The following KHDRBS1 variants were observed in gnomAD, a reference collection of about 807,000 sequenced individuals.
KHDRBS1 encodes KH domain-containing, RNA-binding, signal transduction-associated protein 1.
A neutral mutation model predicts 48.4 loss-of-function variants in KHDRBS1; 7 were observed. The observed-to-expected ratio is 0.14, with a 90% CI of 0.08 to 0.27. KHDRBS1 has a LOEUF of 0.27. Among genes scored for constraint, KHDRBS1 ranks in the 10% least tolerant of loss-of-function variants. The probability of loss-of-function intolerance (pLI) is 1.00; values close to 1 mark genes in which losing one functional copy is unlikely to be tolerated. For missense variants in KHDRBS1, 458 were observed against 601.2 expected, an observed-to-expected ratio of 0.76 and a Z score of 2.49; for synonymous variants, 241 against 235.8, an observed-to-expected ratio of 1.02 and a Z score of -0.20.
chr1:32,025,927 A>T (rs12087900), intron 1 of KHDRBS1, among the ~76,000 whole-genome samples: 2,385 of 146,522 alleles, frequency 0.016, 52 homozygotes, highest in African/African-American at 0.049. Context: ...ATATATATAT[A>T]TATTTATTTA....
chr1:32,027,884 G>A (rs552149965), intron 1 of KHDRBS1, among the ~76,000 whole-genome samples: 3 of 152,276 alleles, frequency 2.0e-5, no homozygotes, highest in South Asian at 2.1e-4. Context: ...AGGCCGAGGC[G>A]AGTGGATCAT....
chr1:32,034,912 C>T (rs1639147232), intron 4 of KHDRBS1, among the ~76,000 whole-genome samples: 3 of 149,482 alleles, frequency 2.0e-5, no homozygotes, highest in Admixed American at 1.3e-4. Flanking sequence ...ACCCGGGAGG[C>T]GGAGCTTGCA....
At chr1:32,038,344 T>A (rs954144341) in intron 6 of KHDRBS1, among the ~76,000 whole-genome samples, 28 of 152,204 alleles carry the variant, frequency 1.8e-4, no homozygotes, top group African/African-American at 6.5e-4. Context: ...TGCCCACACT[T>A]CTTCTGTGGC....
intron 1 of KHDRBS1, among the ~76,000 whole-genome samples, chr1:32,021,497 G>T (rs902153409): frequency 6.6e-6 from 1 of 152,154 alleles, no homozygotes; most frequent in Non-Finnish European, 1.5e-5. Flanking sequence ...GCAATAGTAA[G>T]CTTATGGGAC....
At chr1:32,020,926 A>G (rs1260922213) in intron 1 of KHDRBS1, among the ~76,000 whole-genome samples, 2 of 152,098 alleles carry the variant, frequency 1.3e-5, no homozygotes, top group South Asian at 2.1e-4. Context: ...AAACAAGTAC[A>G]TGTAAAGGTG....
intron 10 of KHDRBS1, among the ~76,000 whole-genome samples, chr1:32,055,343 G>C (rs1189257366): frequency 2.0e-5 from 3 of 152,064 alleles, no homozygotes; most frequent in Non-Finnish European, 2.9e-5. Context: ...AGCTACTTGG[G>C]AGGCTGAGGC....
intron 10 of KHDRBS1, among the ~76,000 whole-genome samples, chr1:32,056,910 G>A (rs1639484828): frequency 6.6e-6 from 1 of 152,162 alleles, no homozygotes; most frequent in South Asian, 2.1e-4. Flanking sequence ...TGGCTTCATG[G>A]AGCTTATAGT....
rs1639301785 is a variant in KHDRBS1 at position 32,042,691 on chromosome 1, A to G, written c.*67A>G. On this transcript the variant is annotated 3_prime_UTR_variant, in exon 9 of 9. Coordinates refer to ENST00000327300, the MANE Select transcript of KHDRBS1 (RefSeq NM_006559.3). Reference sequence around the variant, plus strand: ...TTACTGATTTCTTGTATCTCCCAGGATTCCTGTTGCTTTACCCACAACAGA... The same window carrying G: ...TTACTGATTTCTTGTATCTCCCAGGGTTCCTGTTGCTTTACCCACAACAGA... 2 of 994,486 alleles carry G rather than the reference A, an allele frequency of 2.0e-6. No homozygotes were observed. Among genetic ancestry groups the G allele is most frequent in the Non-Finnish European group, 3.1e-6 (2 of 635,328 alleles). The allele number at this position is 994,486 out of a possible 1,614,324, so 61.6% of individuals were successfully genotyped here. A position where few individuals can be genotyped will look rare whatever the true frequency, so the allele number is the denominator to read the frequency against.
intron 1 of KHDRBS1, among the ~76,000 whole-genome samples, chr1:32,023,674 C>G (rs999662571): frequency 6.6e-6 from 1 of 152,176 alleles, no homozygotes; most frequent in Non-Finnish European, 1.5e-5. Context: ...GGAAGCTCCT[C>G]CTTGATTTTT....
At chr1:32,024,156 G>A (rs1569776278) in intron 1 of KHDRBS1, among the ~76,000 whole-genome samples, 2 of 152,078 alleles carry the variant, frequency 1.3e-5, no homozygotes, top group Admixed American at 1.3e-4. Context: ...GGAGGCTGAG[G>A]TAGGGAGAAT....
chr1:32,059,320 A>C (rs910889760), intron 10 of KHDRBS1, among the ~76,000 whole-genome samples: 1 of 151,920 alleles, frequency 6.6e-6, no homozygotes, highest in African/African-American at 2.4e-5. Context: ...TAATCCCAGC[A>C]CTCTGGCAAG....
intron 1 of KHDRBS1, among the ~76,000 whole-genome samples, chr1:32,022,341 T>A (rs1372301339): frequency 6.6e-6 from 1 of 152,136 alleles, no homozygotes; most frequent in African/African-American, 2.4e-5. Flanking sequence ...AGATGCCTGT[T>A]GTGTATCAAG....
intron 1 of KHDRBS1, among the ~76,000 whole-genome samples, chr1:32,019,964 G>T (rs866475616): frequency 5.9e-5 from 9 of 151,878 alleles, no homozygotes; most frequent in Admixed American, 4.6e-4. Flanking sequence ...TAGAGATGGG[G>T]TTTCACCGTG....
intron 4 of KHDRBS1, among the ~76,000 whole-genome samples, chr1:32,035,085 T>C (rs968874670): frequency 1.3e-5 from 2 of 152,164 alleles, no homozygotes; most frequent in Admixed American, 1.3e-4. Flanking sequence ...TTTACTCTTT[T>C]TGGGGTGTTC....
chr1:32,060,705 G>A (rs537698387), exon 11 of KHDRBS1: 1 of 152,162 alleles, frequency 6.6e-6, no homozygotes, highest in African/African-American at 2.4e-5. Context: ...TTTAACATCT[G>A]AACCTGTTTT....
At chr1:32,036,163 ATTTTTTTTTTTTTT>A (rs397742842) in intron 4 of KHDRBS1, among the ~76,000 whole-genome samples, 1 of 60,470 alleles carries the variant, frequency 1.7e-5, no homozygotes, top group Middle Eastern at 0.011. Context: ...CATTTTGAAG[ATTTTTTTTTTTTTT>A]TTTTTTTTTT....
chr1:32,019,163 T>C (rs1184523691), intron 1 of KHDRBS1, among the ~76,000 whole-genome samples: 1 of 152,224 alleles, frequency 6.6e-6, no homozygotes, highest in Admixed American at 6.5e-5. Context: ...AAGAAACTTA[T>C]ACATGAGCAC....
intron 1 of KHDRBS1, among the ~76,000 whole-genome samples, chr1:32,015,635 CT>C (rs1286566067): frequency 6.6e-6 from 1 of 152,132 alleles, no homozygotes; most frequent in East Asian, 1.9e-4. Flanking sequence ...AGAGAGTGCT[CT>C]TTATTTTTAA....
intron 1 of KHDRBS1, among the ~76,000 whole-genome samples, chr1:32,024,512 AG>A (rs1264381301): frequency 6.6e-6 from 1 of 151,662 alleles, no homozygotes; most frequent in Non-Finnish European, 1.5e-5. Context: ...ATTTTAGTAA[AG>A]ATGGGATCTC....
Sources: gnomAD v4.1 joint callset for allele counts (sites outside exome capture counted in the v4.1 genomes callset) on GRCh38, gnomAD v4.1.1 for gene constraint, MANE v1.5 for transcripts, NCBI Gene and HGNC (gene_info 2026-07-23, HGNC 2026-07-21) for gene names.